The following KIF21B variants were observed in gnomAD, a reference collection of about 807,000 sequenced individuals.
KIF21B encodes the protein kinesin-like protein KIF21B.
In KIF21B, 85 loss-of-function variants were observed where a neutral mutation model predicts 192.9. The ratio of observed to expected loss-of-function variants is 0.44; its 90% confidence interval spans 0.37 to 0.53. The LOEUF (loss-of-function observed/expected upper bound fraction) is 0.53, where lower values mean the gene tolerates loss of function less well. Among genes scored for constraint, KIF21B ranks in the 20% least tolerant of loss-of-function variants. KIF21B has a pLI of 0.00. For missense variants in KIF21B, 1,716 were observed against 2,194.8 expected, an observed-to-expected ratio of 0.78 and a Z score of 4.36; for synonymous variants, 832 against 884.6, an observed-to-expected ratio of 0.94 and a Z score of 1.05.
Position 201,005,664 on chromosome 1 carries a change from C to G in KIF21B, c.478G>C (p.Asp160His). 6.2e-7 allele frequency: 1 copy of G among 1,614,144 alleles called. No homozygotes were observed. Among genetic ancestry groups the G allele is most frequent in the Non-Finnish European group, 8.5e-7 (1 of 1,180,024 alleles). The change falls in exon 4 of 35, where the codon GAC becomes CAC. Residue 160 changes from aspartate to histidine, a missense_variant. Physicochemically the swap from Asp to His is moderately conservative, Grantham distance 81. Transcript: ENST00000461742. The part of the protein sequence containing the change: ...LYNEEILDLF[D>H]STRDPDTRHR... ...CGGGTGTCAGGGTCACGGGTGCTGT[C>G]AAACAGGTCAAGGATCTCCTCGTTG... is the stretch of plus-strand genomic sequence containing the variant.
At chr1:201,007,475 GAC>G (rs1379211644) in intron 3 of KIF21B, among the ~76,000 whole-genome samples, 1 of 126,228 alleles carries the variant, frequency 7.9e-6, no homozygotes, top group Non-Finnish European at 1.7e-5. Context: ...CAGACACAGA[GAC>G]ACATAGACAC....
Position 201,000,791 on chromosome 1 carries a change from A to C in KIF21B, c.1403-11T>G. On this transcript the variant is annotated splice_polypyrimidine_tract_variant and intron_variant, in intron 9 of 34. Transcript: ENST00000461742. The surrounding 1 kb of genome is among the most constrained non-coding windows in gnomAD (Gnocchi z 6.0). Reference sequence around the variant, plus strand: ...CCTCATTGCCATCGCCTGGAGTGGGACGGCGGGAAGAAGGGTGCGATAAAG... The same window carrying C: ...CCTCATTGCCATCGCCTGGAGTGGGCCGGCGGGAAGAAGGGTGCGATAAAG... 1 of 1,614,106 alleles carries C rather than the reference A, an allele frequency of 6.2e-7. No individual in the cohort carries two copies. The highest frequency in any genetic ancestry group is 8.5e-7 in the Non-Finnish European group (1 of 1,179,982).
At chr1:201,010,845 T>C (rs1658193093) in intron 1 of KIF21B, among the ~76,000 whole-genome samples, 2 of 152,182 alleles carry the variant, frequency 1.3e-5, no homozygotes, top group Non-Finnish European at 2.9e-5. Flanking sequence ...CCTGAGCCTA[T>C]TGCCTGCACT....
chr1:200,995,431 T>C (rs1656992076), intron 15 of KIF21B, among the ~76,000 whole-genome samples: 1 of 152,116 alleles, frequency 6.6e-6, no homozygotes. Flanking sequence ...AAAGGGAGCA[T>C]GGATCTGCTG....
Position 200,999,430 on chromosome 1 carries a change from C to A in KIF21B, c.1804G>T (p.Glu602Ter). Residue 602 changes from glutamate to a stop codon, truncating the protein, a stop_gained, in exon 13 of 35, where the codon GAG (glutamate) becomes TAG (stop). Coordinates refer to ENST00000461742, the MANE Select transcript of KIF21B (RefSeq NM_001252102.2). LOFTEE classifies it high-confidence loss of function. The surrounding 1 kb of genome is among the most constrained non-coding windows in gnomAD (Gnocchi z 4.7). ...TCATCTTCATCCTCGCGCCCTTCCT[C>A]CTCCTCACAGCCACTCTCGTCTCGC... ...EERDESGCEE[E>*]EGREDEDEDS... The A allele has an allele frequency of 1.2e-6, 2 of 1,614,152 alleles. No individual in the cohort carries two copies. The highest frequency in any genetic ancestry group is 1.7e-6 in the Non-Finnish European group (2 of 1,180,000).
chr1:200,984,783 C>T (rs1419205686), intron 27 of KIF21B, 76 bp downstream of exon 27: 1 of 1,165,176 alleles, frequency 8.6e-7, no homozygotes. Context: ...CTGAGCCCTC[C>T]TCCAGCAAGG....
intron 32 of KIF21B, 87 bp downstream of exon 32, chr1:200,976,686 AATT>A: frequency 1.3e-6 from 1 of 764,002 alleles, no homozygotes; most frequent in Non-Finnish European, 2.1e-6. Flanking sequence ...GAAGTCTTAT[AATT>A]TTTCATGGGT....
At chr1:201,022,687 G>T (rs958520802) in intron 1 of KIF21B, among the ~76,000 whole-genome samples, 11 of 152,254 alleles carry the variant, frequency 7.2e-5, no homozygotes, top group African/African-American at 2.6e-4. Flanking sequence ...CCTGAGGATG[G>T]GGCATCTGCA....
chr1:200,973,555 C>T lies in KIF21B; in HGVS notation c.4838G>A (p.Ser1613Asn), dbSNP rs1452211360. 3.3e-6 allele frequency: 5 copies of T among 1,514,684 alleles called. No homozygotes were observed. Among genetic ancestry groups the T allele is most frequent in the East Asian group, 5.0e-5 (2 of 39,964 alleles). The allele number at this position is 1,514,684 out of a possible 1,614,324, so 93.8% of individuals were successfully genotyped here. A position where few individuals can be genotyped will look rare whatever the true frequency, so the allele number is the denominator to read the frequency against. The change falls in exon 35 of 35, where the codon AGT becomes AAT. Residue 1613 changes from serine to asparagine, a missense_variant. By Grantham distance (46) the Ser-to-Asn change is conservative. Transcript: ENST00000461742. ...ASSDLTVKFWSVRRLPHSGPP is the reference protein window; with the variant it reads ...ASSDLTVKFWNVRRLPHSGPP ...GCCGCTGTGGGGTAACCGCCGGACA[C>T]TCCAGAACTTCACCGTCAGGTCACT...
chr1:201,020,906 T>C (rs144859286), intron 1 of KIF21B, among the ~76,000 whole-genome samples: 2 of 152,206 alleles, frequency 1.3e-5, no homozygotes, highest in East Asian at 3.9e-4. Context: ...CCAGGCTCGC[T>C]ATGTTATTCT....
At chr1:200,978,844 G>GCT (rs1293225796) in intron 30 of KIF21B, among the ~76,000 whole-genome samples, 2 of 152,110 alleles carry the variant, frequency 1.3e-5, no homozygotes, top group Admixed American at 1.3e-4. Context: ...GCACCACCAT[G>GCT]CTCAGCTAAC....
At chr1:200,983,208 C>T (rs12562818) in intron 27 of KIF21B, 114 bp from the exon 28 acceptor site, 106 of 864,634 alleles carry the variant, frequency 1.2e-4, no homozygotes, top group African/African-American at 7.5e-4. Flanking sequence ...TCTCTTCCAG[C>T]GGAGCAGAGA....
rs544644682 is a variant in KIF21B at position 200,998,741 on chromosome 1, G to A, written c.1886-166C>T. ...TCCTAATGCAGGTAGAATGCGGCCAGAAGGAGGAACACATTTAAAGAGCAG... is the reference window on the plus strand; with the variant it reads ...TCCTAATGCAGGTAGAATGCGGCCAAAAGGAGGAACACATTTAAAGAGCAG... On this transcript the variant is annotated intron_variant, in intron 13 of 34. Coordinates refer to ENST00000461742, the MANE Select transcript of KIF21B (RefSeq NM_001252102.2). This position sits in a 1 kb window ranked among gnomAD's most constrained non-coding sequence, Gnocchi z 4.3. 6.6e-6 allele frequency among the ~76,000 whole-genome samples: 1 copy of A among 152,296 alleles called. No individual in the cohort carries two copies. Among genetic ancestry groups the A allele is most frequent in the South Asian group, 2.1e-4 (1 of 4,826 alleles).
At chr1:201,019,793 A>G (rs533326134) in intron 1 of KIF21B, among the ~76,000 whole-genome samples, 1 of 152,180 alleles carries the variant, frequency 6.6e-6, no homozygotes, top group African/African-American at 2.4e-5. Flanking sequence ...CACAGGTGGC[A>G]TTGATTGGCA....
intron 5 of KIF21B, 108 bp downstream of exon 5, chr1:201,005,200 G>T: frequency 7.1e-7 from 1 of 1,416,826 alleles, no homozygotes; most frequent in Non-Finnish European, 9.5e-7. Flanking sequence ...AATGGCAGAG[G>T]CCAGCCTCAA....
chr1:201,009,064 C>T (rs997709099), intron 2 of KIF21B, 113 bp from the exon 3 acceptor site: 20 of 1,331,248 alleles, frequency 1.5e-5, no homozygotes, highest in Middle Eastern at 2.2e-4. Context: ...GGTTCCCCTG[C>T]TGCTTTCTTG....
chr1:201,001,834 A>G (rs1256685552), intron 9 of KIF21B: 1 of 351,174 alleles, frequency 2.8e-6, no homozygotes, highest in African/African-American at 2.0e-5. Flanking sequence ...ATACTGAGAA[A>G]GGTGTGGGAA....
At position 200,981,059 on chromosome 1, in the gene KIF21B, G is replaced by A. The variant is rs1218953359; in HGVS notation, c.3880C>T (p.Arg1294Trp). The A allele has an allele frequency of 4.4e-6, 7 of 1,606,004 alleles. No individual in the cohort carries two copies. The highest frequency in any genetic ancestry group is 2.3e-5 in the East Asian group (1 of 44,386). ...ISPVGGAKGA[R>W]TAPLQCVSMA... Reference sequence around the variant, plus strand: ...GAGACACACTGCAGTGGGGCCGTCCGTGCACCCTTGGCTCCTCCAACCGGG... The same window carrying A: ...GAGACACACTGCAGTGGGGCCGTCCATGCACCCTTGGCTCCTCCAACCGGG... The change falls in exon 29 of 35, where the codon CGG (arginine) becomes TGG (tryptophan). Residue 1294 changes from arginine (R) to tryptophan (W), a missense_variant. Physicochemically the swap from Arg to Trp is moderately radical, Grantham distance 101 (BLOSUM62 -3). Coordinates refer to ENST00000461742, the MANE Select transcript of KIF21B (RefSeq NM_001252102.2).
At chr1:201,012,927 T>C (rs1346648645) in intron 1 of KIF21B, among the ~76,000 whole-genome samples, 1 of 152,186 alleles carries the variant, frequency 6.6e-6, no homozygotes, top group African/African-American at 2.4e-5. Context: ...AGGTGTGAGC[T>C]ACCACGCCCA....
Sources: gnomAD v4.1 joint callset for allele counts (sites outside exome capture counted in the v4.1 genomes callset) on GRCh38, gnomAD v4.1.1 for gene constraint, Gnocchi (gnomAD v3.1) non-coding constraint, MANE v1.5 for transcripts, NCBI Gene and HGNC (gene_info 2026-07-23, HGNC 2026-07-21) for gene names.